CAMTA1: variants seen among roughly 807,000 people sequenced by gnomAD.
CAMTA1 encodes the protein calmodulin-binding transcription activator 1.
In CAMTA1, 27 loss-of-function variants were observed where a neutral mutation model predicts 170.9. The ratio of observed to expected loss-of-function variants is 0.16; its 90% CI spans 0.12 to 0.22. The LOEUF (loss-of-function observed/expected upper bound fraction) is 0.22, where lower values mean the gene tolerates loss of function less well. Among genes scored for constraint, CAMTA1 ranks in the 10% least tolerant of loss-of-function variants. CAMTA1 has a pLI of 1.00. For synonymous variants in CAMTA1, 833 were observed against 891.5 expected, an observed-to-expected ratio of 0.93 and a Z score of 1.17; for missense variants, 1,619 against 2,217.2, an observed-to-expected ratio of 0.73 and a Z score of 5.42.
intron 5 of CAMTA1, among the ~76,000 whole-genome samples, chr1:7,343,549 T>C (rs186724216): frequency 6.6e-6 from 1 of 152,352 alleles, no homozygotes; most frequent in Admixed American, 6.5e-5. Flanking sequence ...TTAAACATTC[T>C]AACAAGGAAT....
chr1:7,070,194 T>C (rs1236630523), intron 3 of CAMTA1, among the ~76,000 whole-genome samples: 1 of 152,082 alleles, frequency 6.6e-6, no homozygotes, highest in African/African-American at 2.4e-5. Flanking sequence ...AACAGCAGCA[T>C]CAGATGGGGG....
intron 4 of CAMTA1, among the ~76,000 whole-genome samples, chr1:7,201,502 A>G (rs28781408): frequency 0.11 from 17,122 of 152,054 alleles, 3,076 homozygotes; most frequent in African/African-American, 0.38. Context: ...TTACATTCTT[A>G]CCAGCAGGGT....
chr1:7,483,589 G>T (rs1356862462), intron 6 of CAMTA1, among the ~76,000 whole-genome samples: 1 of 152,208 alleles, frequency 6.6e-6, no homozygotes, highest in Non-Finnish European at 1.5e-5. Flanking sequence ...CCAGAGCAGG[G>T]GCTGGAGGAT....
intron 11 of CAMTA1, among the ~76,000 whole-genome samples, chr1:7,707,976 C>T (rs192137168): frequency 1.4e-3 from 209 of 152,262 alleles, no homozygotes; most frequent in Admixed American, 0.011. Context: ...TACTCTTCAC[C>T]CCACAGGCAG....
chr1:7,161,621 C>T (rs6701019), intron 4 of CAMTA1, among the ~76,000 whole-genome samples: 42,864 of 152,198 alleles, frequency 0.28, 6,205 homozygotes, highest in Non-Finnish European at 0.31. Flanking sequence ...TAAGACATGA[C>T]TTGCTCTTCC....
At chr1:7,377,474 A>G (rs1036902474) in intron 5 of CAMTA1, among the ~76,000 whole-genome samples, 3 of 152,100 alleles carry the variant, frequency 2.0e-5, no homozygotes, top group Admixed American at 2.0e-4. Context: ...GATATTCTCC[A>G]CTGTCCTAAA....
At position 7,466,959 on chromosome 1, in the gene CAMTA1, C is replaced by T. The variant is rs958006440; in HGVS notation, c.439-871C>T. On this transcript the variant is annotated intron_variant, in intron 5 of 22. Coordinates refer to ENST00000303635, the MANE Select transcript of CAMTA1 (RefSeq NM_015215.4). ...CTGATCAATGGTTCTCCTTAGGCCCCTTTCTCCATCTCACCAGCAAGCCTG... is the reference window on the plus strand; with the variant it reads ...CTGATCAATGGTTCTCCTTAGGCCCTTTTCTCCATCTCACCAGCAAGCCTG... Among the ~76,000 whole-genome samples, 6 of 152,250 alleles carry T rather than the reference C, an allele frequency of 3.9e-5. No individual in the cohort carries two copies. The East Asian group carries it at 9.7e-4, about 25-fold the overall frequency.
chr1:7,441,558 C>T (rs943931156), intron 5 of CAMTA1: 1 of 152,212 alleles, frequency 6.6e-6, no homozygotes, highest in African/African-American at 2.4e-5. Flanking sequence ...GGTCGCGAGC[C>T]ACGGGAGCTT....
intron 3 of CAMTA1, among the ~76,000 whole-genome samples, chr1:7,005,164 A>G (rs1178359530): frequency 6.6e-6 from 1 of 152,260 alleles, no homozygotes; most frequent in Non-Finnish European, 1.5e-5. Context: ...TAGGTGGACC[A>G]ACTGTGACTA....
At chr1:7,134,003 T>C (rs1210030560) in intron 4 of CAMTA1, among the ~76,000 whole-genome samples, 1 of 152,172 alleles carries the variant, frequency 6.6e-6, no homozygotes, top group Non-Finnish European at 1.5e-5. Context: ...ACCACCCAGG[T>C]GGTGAGCATA....
chr1:7,654,798 TACACACACCCACACACACCAC>T (rs1342572565), intron 7 of CAMTA1, among the ~76,000 whole-genome samples: 3 of 132,436 alleles, frequency 2.3e-5, no homozygotes, highest in Middle Eastern at 4.8e-3. Flanking sequence ...CACACACCTA[TACACACACCCACACACACCAC>T]ACACACCCCT....
intron 5 of CAMTA1, among the ~76,000 whole-genome samples, chr1:7,365,210 G>A (rs1256333380): frequency 2.9e-5 from 3 of 104,232 alleles, no homozygotes; most frequent in Admixed American, 1.1e-4. Context: ...AGGCCTTTGA[G>A]CAGCAAGCAC....
At chr1:6,962,197 G>A (rs1186677084) in intron 3 of CAMTA1, among the ~76,000 whole-genome samples, 2 of 152,218 alleles carry the variant, frequency 1.3e-5, no homozygotes, top group Non-Finnish European at 2.9e-5. Flanking sequence ...ACCCCGACAA[G>A]GCACGCAGGT....
At chr1:7,618,309 AT>A (rs1477262099) in intron 6 of CAMTA1, among the ~76,000 whole-genome samples, 1 of 152,212 alleles carries the variant, frequency 6.6e-6, no homozygotes, top group Non-Finnish European at 1.5e-5. Context: ...GCCAGACCAG[AT>A]TCCACCCTGT....
intron 6 of CAMTA1, among the ~76,000 whole-genome samples, chr1:7,617,358 G>T (rs1220971666): frequency 6.6e-6 from 1 of 152,206 alleles, no homozygotes; most frequent in East Asian, 1.9e-4. Flanking sequence ...ACCGGAGGAG[G>T]ACTTCAGGGT....
chr1:7,484,695 A>G (rs1158342664), intron 6 of CAMTA1, among the ~76,000 whole-genome samples: 2 of 152,152 alleles, frequency 1.3e-5, no homozygotes, highest in African/African-American at 4.8e-5. Context: ...AGGCTGAGGC[A>G]GGAGAATGGC....
chr1:6,794,244 C>T (rs910710652), intron 1 of CAMTA1, among the ~76,000 whole-genome samples: 2 of 152,000 alleles, frequency 1.3e-5, no homozygotes, highest in Non-Finnish European at 2.9e-5. Flanking sequence ...TTGAAATAAC[C>T]CTTCTTAGTG....
chr1:7,405,992 C>T (rs113878826), intron 5 of CAMTA1, among the ~76,000 whole-genome samples: 6,120 of 152,276 alleles, frequency 0.04, 416 homozygotes, highest in African/African-American at 0.14. Context: ...ACCCCCTGCT[C>T]GGGCCCCGGC....
chr1:6,959,309 G>A (rs1689982381), intron 3 of CAMTA1, among the ~76,000 whole-genome samples: 1 of 152,216 alleles, frequency 6.6e-6, no homozygotes, highest in Admixed American at 6.5e-5. Context: ...GTGGGAGGCT[G>A]GGGCAGGTGG....
Sources: allele counts gnomAD v4.1 joint callset (sites outside exome capture counted in the v4.1 genomes callset), GRCh38; gene constraint gnomAD v4.1.1; transcripts MANE v1.5; gene names NCBI Gene and HGNC (gene_info 2026-07-23, HGNC 2026-07-21).